The following MRPS6 variants were observed in gnomAD, a reference collection of about 807,000 sequenced individuals.
MRPS6 encodes small ribosomal subunit protein bS6m.
MRPS6 carries 6 observed loss-of-function variants against 13.1 expected under a neutral mutation model. The ratio of observed to expected loss-of-function variants is 0.46; its 90% CI spans 0.25 to 0.91. The LOEUF (loss-of-function observed/expected upper bound fraction) is 0.91. MRPS6 is among the 40% of genes least tolerant of loss of function. The probability of loss-of-function intolerance (pLI) is 0.18; values close to 1 mark genes in which losing one functional copy is unlikely to be tolerated. For synonymous variants in MRPS6, 61 were observed against 56.5 expected (o/e 1.08, Z -0.36); for missense variants, 164 against 155.6 (o/e 1.05, Z -0.29).
At chr21:34,121,971 C>T (rs181824936) in intron 1 of MRPS6, among the ~76,000 whole-genome samples, 2 of 152,076 alleles carry the variant, frequency 1.3e-5, no homozygotes, top group South Asian at 2.1e-4. Context: ...AGATGGTACC[C>T]GATGTGTCTA....
At chr21:34,100,499 A>G (rs1174525259) in intron 1 of MRPS6, 2 of 1,000,142 alleles carry the variant, frequency 2.0e-6, no homozygotes, top group African/African-American at 1.7e-5. Flanking sequence ...GCCTAAATTC[A>G]ATAGATCTCA....
chr21:34,105,416 C>CTTCA lies in MRPS6; in HGVS notation c.46-19914_46-19911dup, dbSNP rs1226880122. The CTTCA allele has an allele frequency of 4.0e-6, 4 of 998,452 alleles. No homozygotes were observed. The African/African-American group carries it at 5.2e-5, about 13-fold the overall frequency. The allele number at this position is 998,452 out of a possible 1,614,324, so 61.8% of individuals were successfully genotyped here. A position where few individuals can be genotyped will look rare whatever the true frequency, so the allele number is the denominator to read the frequency against. ...TTTCTAATAATATCCTGTGAAATTG[C>CTTCA]TTCATTCATTCATTTATTTTTAAGC... On this transcript the variant is annotated intron_variant, in intron 1 of 2. Coordinates refer to ENST00000399312, the MANE Select transcript of MRPS6 (RefSeq NM_032476.4).
intron 2 of MRPS6, among the ~76,000 whole-genome samples, chr21:34,135,052 T>G (rs1316899888): frequency 6.6e-6 from 1 of 152,208 alleles, no homozygotes; most frequent in Non-Finnish European, 1.5e-5. Flanking sequence ...TTGGACCCCT[T>G]TTACTCTAGT....
intron 1 of MRPS6, chr21:34,095,616 TC>T: frequency 6.2e-7 from 1 of 1,613,916 alleles, no homozygotes; most frequent in Non-Finnish European, 8.5e-7. Flanking sequence ...CACCAAGCTC[TC>T]GGTGGATCTG....
rs1978958405 is a variant in MRPS6, at chr21:34,096,231, G to T, written c.45+22486G>T. On this transcript the variant is annotated intron_variant, in intron 1 of 2. Transcript: ENST00000399312. This position sits in a 1 kb window ranked among gnomAD's most constrained non-coding sequence, Gnocchi z 5.9. Reference sequence around the variant, plus strand: ...CATGCTGGTGTGTGGAAGCAGAGCTGGTTGCTCCAATATTGCTTACCCACG... The same window carrying T: ...CATGCTGGTGTGTGGAAGCAGAGCTTGTTGCTCCAATATTGCTTACCCACG... 1 of 1,614,018 alleles carries T rather than the reference G, an allele frequency of 6.2e-7. No individual in the cohort carries two copies. The highest frequency in any genetic ancestry group is 1.7e-5 in the Admixed American group (1 of 59,990).
At position 34,125,493 on chromosome 21, in the gene MRPS6, A is replaced by G. The variant is rs773015490; in HGVS notation, c.185+13A>G. The stretch of plus-strand genomic sequence containing the variant: ...ACAACAGAGGCGGGTAAGTTTCTTC[A>G]TGAAGTCTTGAAAGACGTTTTTGAT... On this transcript the variant is annotated intron_variant, in intron 2 of 2. Transcript: ENST00000399312. 6 of 1,612,390 alleles carry G rather than the reference A, an allele frequency of 3.7e-6. No homozygotes were observed. In the South Asian group the frequency reaches 6.6e-5, roughly 18 times the overall value.
chr21:34,140,711 G>A (rs1267341931), intron 2 of MRPS6, among the ~76,000 whole-genome samples: 2 of 152,100 alleles, frequency 1.3e-5, no homozygotes, highest in African/African-American at 4.8e-5. Flanking sequence ...GTTCAGTTCT[G>A]CTGTTCTTAT....
chr21:34,138,738 T>A (rs62212137), intron 2 of MRPS6, among the ~76,000 whole-genome samples: 1 of 152,162 alleles, frequency 6.6e-6, no homozygotes, highest in Admixed American at 6.5e-5. Context: ...CACTGTTGGT[T>A]GGACTGTAAA....
intron 2 of MRPS6, among the ~76,000 whole-genome samples, chr21:34,128,033 C>T (rs547346585): frequency 6.6e-6 from 1 of 152,294 alleles, no homozygotes; most frequent in East Asian, 1.9e-4. Context: ...CTAGATGTTT[C>T]TGAGAGTCCA....
intron 1 of MRPS6, among the ~76,000 whole-genome samples, chr21:34,109,272 T>C (rs1034761638): frequency 6.6e-6 from 1 of 152,224 alleles, no homozygotes; most frequent in East Asian, 1.9e-4. Context: ...TTTTCTCCGA[T>C]ATATGCTGAT....
intron 1 of MRPS6, chr21:34,098,556 G>T: frequency 1.0e-6 from 1 of 1,000,192 alleles, no homozygotes; most frequent in East Asian, 1.1e-4. Context: ...AGTGCAAACT[G>T]GCCGTCGGTA....
At position 34,073,714 on chromosome 21, in the gene MRPS6, A is replaced by C. The variant is rs1159487481; in HGVS notation, c.14A>C (p.Glu5Ala). 2.6e-6 allele frequency: 4 copies of C among 1,528,142 alleles called. No homozygotes were observed. The highest frequency in any genetic ancestry group is 2.7e-6 in the Non-Finnish European group (3 of 1,131,460). 94.7% of individuals were successfully genotyped at this position (1,528,142 alleles called of 1,614,324 possible). A position where few individuals can be genotyped will look rare whatever the true frequency, so the allele number is the denominator to read the frequency against. The part of the protein sequence containing the change: MPRY[E>A]LALILKAMQR... ...GATCCTCCAGGCATGCCCCGCTACG[A>C]GCTGGCTTTAATCCTGAAAGCCATG... is the stretch of plus-strand genomic sequence containing the variant. Residue 5 changes from glutamate (E) to alanine (A), a missense_variant, in exon 1 of 3, where the codon GAG becomes GCG. Transcript: ENST00000399312.
intron 1 of MRPS6, among the ~76,000 whole-genome samples, chr21:34,108,598 A>C (rs1258866323): frequency 6.6e-6 from 1 of 152,118 alleles, no homozygotes; most frequent in Non-Finnish European, 1.5e-5. Flanking sequence ...CGGTGTTTGT[A>C]TTTCTCTTCT....
intron 2 of MRPS6, among the ~76,000 whole-genome samples, chr21:34,137,583 T>A (rs141285908): frequency 8.3e-4 from 126 of 152,336 alleles, no homozygotes; most frequent in African/African-American, 2.9e-3. Context: ...AGGTACCTAT[T>A]CTTTTTCTTG....
At chr21:34,125,254 T>C (rs1980259299) in intron 1 of MRPS6, 87 bp from the exon 2 acceptor site, 40 of 1,525,498 alleles carry the variant, frequency 2.6e-5, no homozygotes, top group Non-Finnish European at 3.3e-5. Context: ...GCTGTTATGA[T>C]TGGAACTGAG....
intron 1 of MRPS6, among the ~76,000 whole-genome samples, chr21:34,079,593 A>T (rs1989412636): frequency 7.3e-6 from 1 of 137,446 alleles, no homozygotes; most frequent in African/African-American, 2.9e-5. Flanking sequence ...GCGCCACCAG[A>T]CCCAGCTAAT....
intron 1 of MRPS6, chr21:34,098,405 T>G: frequency 3.4e-5 from 34 of 1,000,256 alleles, no homozygotes; most frequent in Non-Finnish European, 4.1e-5. Context: ...AAGGTTGAAT[T>G]TTTAGAGGGA....
intron 1 of MRPS6, among the ~76,000 whole-genome samples, chr21:34,079,921 T>C (rs905480600): frequency 1.6e-4 from 24 of 152,206 alleles, no homozygotes; most frequent in African/African-American, 5.6e-4. Flanking sequence ...GCCTCTGTTA[T>C]TGCTTATTTC....
intron 2 of MRPS6, among the ~76,000 whole-genome samples, chr21:34,139,940 A>T (rs1980852459): frequency 1.3e-5 from 2 of 151,896 alleles, no homozygotes; most frequent in Non-Finnish European, 2.9e-5. Context: ...TAGTTGTTTC[A>T]CCTTTCTCAT....
Sources: allele counts gnomAD v4.1 joint callset (sites outside exome capture counted in the v4.1 genomes callset), GRCh38; gene constraint gnomAD v4.1.1; non-coding constraint Gnocchi (gnomAD v3.1); transcripts MANE v1.5; gene names NCBI Gene and HGNC (gene_info 2026-07-23, HGNC 2026-07-21).